Variants in SLC15A4 observed in about 807,000 individuals in gnomAD.
SLC15A4 encodes hPHT1.
Under a neutral mutation model 46.1 loss-of-function variants are expected in SLC15A4, and 26 were observed. That is an observed-to-expected ratio of 0.56 (90% CI 0.41 to 0.78). The LOEUF (loss-of-function observed/expected upper bound fraction) is 0.78. Among genes scored for constraint, SLC15A4 ranks in the 30% least tolerant of loss-of-function variants. The pLI is 0.00. For synonymous variants in SLC15A4, 370 were observed against 333.4 expected, an observed-to-expected ratio of 1.11 and a Z score of -1.20; for missense variants, 751 against 755.7, an observed-to-expected ratio of 0.99 and a Z score of 0.07.
chr12:128,810,198 C>G (rs1955639416), intron 2 of SLC15A4, 87 bp from the exon 3 acceptor site: 1 of 1,342,920 alleles, frequency 7.4e-7, no homozygotes, highest in Non-Finnish European at 1.0e-6. Flanking sequence ...AGGTAAGAAA[C>G]CAGCTCACTG....
At position 128,823,416 on chromosome 12, in the gene SLC15A4, C is replaced by A; in HGVS notation, c.528G>T (p.Thr176=). Residue 176 remains threonine (T), a synonymous_variant, in exon 1 of 8, where the codon ACG becomes ACT. Transcript: ENST00000266771. ...GGCTCACCTGGTCGGCGCCGAAGGG[C>A]GTGATGTTGGCCTTGACGGTGGCCA... ...LGVATVKANI[T]PFGADQVKDR... The A allele has an allele frequency of 1.4e-6, 2 of 1,450,546 alleles. No homozygotes were observed. Among genetic ancestry groups the A allele is most frequent in the Non-Finnish European group, 1.8e-6 (2 of 1,108,472 alleles). The allele number at this position is 1,450,546 out of a possible 1,614,324, so 89.9% of individuals were successfully genotyped here.
At chr12:128,813,186 T>TG (rs371417256) in intron 2 of SLC15A4, 1 of 73,640 alleles carries the variant, frequency 1.4e-5, no homozygotes, top group Non-Finnish European at 2.5e-5. Context: ...TGGGGCTATA[T>TG]TTTTTTTTTT....
intron 5 of SLC15A4, chr12:128,801,344 G>A (rs996104315): frequency 1.1e-5 from 2 of 188,762 alleles, no homozygotes; most frequent in Admixed American, 1.1e-4. Context: ...GTAGGAGAAA[G>A]TTAAAAAGTC....
chr12:128,813,185 A>T (rs989164534), intron 2 of SLC15A4: 38 of 134,338 alleles, frequency 2.8e-4, no homozygotes, highest in East Asian at 1.3e-3. Context: ...ATGGGGCTAT[A>T]TTTTTTTTTT....
At chr12:128,796,803 C>T (rs115579901) in intron 7 of SLC15A4, among the ~76,000 whole-genome samples, 180 of 152,272 alleles carry the variant, frequency 1.2e-3, no homozygotes, top group African/African-American at 4.1e-3. Context: ...TTTTGAAATA[C>T]GAGTCTCCCC....
chr12:128,815,746 G>C (rs548519036), intron 1 of SLC15A4: 1 of 152,376 alleles, frequency 6.6e-6, no homozygotes, highest in African/African-American at 2.4e-5. Context: ...ACTGAATCAC[G>C]GTCTCTGGGG....
chr12:128,803,943 T>G (rs1438086943), intron 5 of SLC15A4, among the ~76,000 whole-genome samples: 1 of 152,254 alleles, frequency 6.6e-6, no homozygotes, highest in African/African-American at 2.4e-5. Context: ...AGGACCTGTC[T>G]GTGCCTTCCC....
intron 5 of SLC15A4, chr12:128,801,257 G>C: frequency 2.8e-6 from 1 of 359,998 alleles, no homozygotes; most frequent in South Asian, 5.5e-5. Context: ...TATAAAATCA[G>C]ATGTTCAACA....
chr12:128,808,007 G>A (rs752281027), intron 5 of SLC15A4, among the ~76,000 whole-genome samples: 16 of 152,202 alleles, frequency 1.1e-4, no homozygotes, highest in Non-Finnish European at 1.5e-4. Context: ...AATTCCTCAT[G>A]ACAGCAGATA....
intron 1 of SLC15A4, among the ~76,000 whole-genome samples, chr12:128,818,802 T>C (rs558650446): frequency 6.6e-6 from 1 of 152,168 alleles, no homozygotes; most frequent in Admixed American, 6.5e-5. Context: ...CAACCCTTAA[T>C]CTACTTCCAG....
chr12:128,807,168 T>G (rs1162327397), intron 5 of SLC15A4, among the ~76,000 whole-genome samples: 1 of 152,144 alleles, frequency 6.6e-6, no homozygotes, highest in African/African-American at 2.4e-5. Flanking sequence ...CCCAAAGTAC[T>G]GGGATGACAG....
chr12:128,801,308 AC>A (rs934831640), intron 5 of SLC15A4: 1 of 231,422 alleles, frequency 4.3e-6, no homozygotes, highest in Non-Finnish European at 8.5e-6. Context: ...GCTCACCCAT[AC>A]CTCGTTTGTC....
intron 1 of SLC15A4, among the ~76,000 whole-genome samples, chr12:128,820,072 T>C (rs529088122): frequency 3.3e-5 from 5 of 152,170 alleles, no homozygotes; most frequent in African/African-American, 4.8e-5. Context: ...AGAGGCATAA[T>C]AGAAGCTTTC....
chr12:128,811,732 C>G (rs894529785), intron 2 of SLC15A4, among the ~76,000 whole-genome samples: 1 of 152,220 alleles, frequency 6.6e-6, no homozygotes, highest in Non-Finnish European at 1.5e-5. Flanking sequence ...AAATACCTTT[C>G]ACTAAAAACA....
chr12:128,795,303 G>T (rs562027240), intron 7 of SLC15A4, among the ~76,000 whole-genome samples: 1 of 152,248 alleles, frequency 6.6e-6, no homozygotes, highest in South Asian at 2.1e-4. Context: ...GACACAAGCA[G>T]ATACCTCTGC....
At position 128,800,980 on chromosome 12, in the gene SLC15A4, C is replaced by A. The variant is rs1302171036; in HGVS notation, c.1288G>T (p.Val430Phe). The A allele has an allele frequency of 1.2e-6, 2 of 1,613,358 alleles. No homozygotes were observed. The highest frequency in any genetic ancestry group is 8.5e-7 in the Non-Finnish European group (1 of 1,179,764). ...GTCTGATTAATGGTTTTCTCTTTAA[C>A]AAGGTTCAGCCTTTTACTCTCCAAA... ...GILESKRLNL[V>F]KEKTINQTIG... Residue 430 changes from valine to phenylalanine, a missense_variant, in exon 6 of 8, where the codon GTT becomes TTT. Physicochemically the swap from Val to Phe is conservative, Grantham distance 50 (BLOSUM62 -1). Transcript: ENST00000266771.
intron 7 of SLC15A4, among the ~76,000 whole-genome samples, chr12:128,795,931 C>T (rs974690549): frequency 3.9e-5 from 6 of 152,224 alleles, no homozygotes; most frequent in South Asian, 2.1e-4. Context: ...GGCAACATCA[C>T]GAGGGGAGCG....
chr12:128,813,190 T>C (rs1295400636), intron 2 of SLC15A4: 6 of 151,670 alleles, frequency 4.0e-5, no homozygotes, highest in Admixed American at 1.3e-4. Context: ...GCTATATTTT[T>C]TTTTTTTTTT....
At chr12:128,822,273 G>C (rs1955854803) in intron 1 of SLC15A4, among the ~76,000 whole-genome samples, 1 of 152,196 alleles carries the variant, frequency 6.6e-6, no homozygotes, top group Non-Finnish European at 1.5e-5. Context: ...ATGCTAACTT[G>C]ATTCAAACTC....
Sources: gnomAD v4.1 joint callset for allele counts (sites outside exome capture counted in the v4.1 genomes callset) on GRCh38, gnomAD v4.1.1 for gene constraint, MANE v1.5 for transcripts, NCBI Gene and HGNC (gene_info 2026-07-23, HGNC 2026-07-21) for gene names.